Variants in SPATA17 observed in about 807,000 individuals in gnomAD.
SPATA17 encodes the protein spermatogenesis-associated protein 17.
SPATA17 carries 53 observed loss-of-function variants against 62.2 expected under a neutral mutation model. The ratio of observed to expected loss-of-function variants is 0.85; its 90% CI spans 0.68 to 1.07. SPATA17 has a LOEUF of 1.07. Among genes scored for constraint, SPATA17 ranks in the 50% least tolerant of loss-of-function variants. SPATA17 has a pLI of 0.00. For missense variants in SPATA17, 466 were observed against 425.5 expected, an observed-to-expected ratio of 1.10 and a Z score of -0.84; for synonymous variants, 146 against 146.8, an observed-to-expected ratio of 0.99 and a Z score of 0.04.
intron 8 of SPATA17, among the ~76,000 whole-genome samples, chr1:217,792,303 T>C (rs1344290705): frequency 6.6e-6 from 1 of 152,060 alleles, no homozygotes; most frequent in Non-Finnish European, 1.5e-5. Flanking sequence ...TCAAGGAAAC[T>C]CAAGAAACTA....
intron 6 of SPATA17, among the ~76,000 whole-genome samples, chr1:217,756,907 T>C (rs1673057622): frequency 6.6e-6 from 1 of 152,256 alleles, no homozygotes; most frequent in African/African-American, 2.4e-5. Context: ...TGTAATCATT[T>C]TATGAGACGA....
intron 6 of SPATA17, among the ~76,000 whole-genome samples, chr1:217,746,746 A>C (rs1490593886): frequency 6.6e-6 from 1 of 151,980 alleles, no homozygotes; most frequent in African/African-American, 2.4e-5. Flanking sequence ...ATTCAAGCAA[A>C]TATGTTAGTG....
chr1:217,828,482 G>A (rs1483227625), intron 9 of SPATA17, among the ~76,000 whole-genome samples: 1 of 85,894 alleles, frequency 1.2e-5, no homozygotes, highest in Non-Finnish European at 3.3e-5. Flanking sequence ...CCTAGAAGAG[G>A]ATATAGGTAG....
At chr1:217,751,113 T>C (rs910544310) in intron 6 of SPATA17, among the ~76,000 whole-genome samples, 2 of 152,206 alleles carry the variant, frequency 1.3e-5, no homozygotes, top group Admixed American at 1.3e-4. Context: ...AATGGGTTAG[T>C]ACTTGCAAGA....
intron 7 of SPATA17, 116 bp downstream of exon 7, chr1:217,774,653 A>G: frequency 1.2e-6 from 1 of 811,152 alleles, no homozygotes; most frequent in Non-Finnish European, 1.9e-6. Context: ...TAGTGGGATT[A>G]AGTACATTCA....
intron 6 of SPATA17, among the ~76,000 whole-genome samples, chr1:217,774,052 A>T (rs945549432): frequency 6.6e-6 from 1 of 152,142 alleles, no homozygotes; most frequent in African/African-American, 2.4e-5. Context: ...AAGTATAGTG[A>T]TGTAAAAAGG....
chr1:217,634,502 T>A (rs919963406), intron 1 of SPATA17, among the ~76,000 whole-genome samples: 3 of 152,168 alleles, frequency 2.0e-5, no homozygotes, highest in African/African-American at 7.2e-5. Flanking sequence ...ATCCATCAAG[T>A]GCAGCATCTG....
At chr1:217,655,002 A>ATG (rs1670409612) in intron 3 of SPATA17, among the ~76,000 whole-genome samples, 1 of 152,146 alleles carries the variant, frequency 6.6e-6, no homozygotes. Context: ...GAGCCACCGC[A>ATG]CCCAGCCCTA....
At chr1:217,730,414 A>G (rs776671245) in intron 5 of SPATA17, among the ~76,000 whole-genome samples, 29 of 151,952 alleles carry the variant, frequency 1.9e-4, no homozygotes, top group Non-Finnish European at 2.9e-4. Context: ...ACAGGGTTTC[A>G]CCATGTTGGC....
At chr1:217,658,053 A>G (rs1384537538) in intron 3 of SPATA17, among the ~76,000 whole-genome samples, 2 of 152,176 alleles carry the variant, frequency 1.3e-5, no homozygotes, top group East Asian at 1.9e-4. Flanking sequence ...CCATGATTCA[A>G]TTATCTCTGT....
At chr1:217,690,430 A>G (rs1476851080) in intron 5 of SPATA17, among the ~76,000 whole-genome samples, 12 of 148,928 alleles carry the variant, frequency 8.1e-5, no homozygotes, top group Admixed American at 8.0e-4. Context: ...AAAAAGTACT[A>G]TTTGGTCCTT....
At chr1:217,822,208 A>G (rs963965746) in intron 9 of SPATA17, among the ~76,000 whole-genome samples, 3 of 152,034 alleles carry the variant, frequency 2.0e-5, no homozygotes, top group African/African-American at 4.8e-5. Context: ...ATTTGTGTGA[A>G]TTTTTATTTC....
At chr1:217,786,765 CTTCTTCT>C (rs771595063) in intron 8 of SPATA17, among the ~76,000 whole-genome samples, 2,773 of 146,764 alleles carry the variant, frequency 0.019, 51 homozygotes, top group South Asian at 0.048. Flanking sequence ...TCTTCTTCTT[CTTCTTCT>C]TCTTCTTCTT....
At chr1:217,740,288 T>C (rs947348097) in intron 5 of SPATA17, among the ~76,000 whole-genome samples, 5 of 151,996 alleles carry the variant, frequency 3.3e-5, no homozygotes, top group Admixed American at 6.6e-5. Context: ...TAATATGAAA[T>C]TGGATACATG....
At chr1:217,675,083 G>T (rs1359596878) in intron 4 of SPATA17, among the ~76,000 whole-genome samples, 1 of 152,102 alleles carries the variant, frequency 6.6e-6, no homozygotes, top group African/African-American at 2.4e-5. Context: ...TGAAGGTGGG[G>T]TTTCACTGGA....
intron 2 of SPATA17, among the ~76,000 whole-genome samples, chr1:217,650,887 C>A (rs555630714): frequency 6.6e-6 from 1 of 152,156 alleles, no homozygotes; most frequent in East Asian, 1.9e-4. Context: ...ATAATAAGCC[C>A]CAAAGAAATA....
chr1:217,841,147 A>G (rs939528867), intron 9 of SPATA17, among the ~76,000 whole-genome samples: 10 of 152,120 alleles, frequency 6.6e-5, no homozygotes, highest in African/African-American at 2.4e-4. Flanking sequence ...TGAAGCATCT[A>G]TGAAACAATA....
chr1:217,678,148 T>C (rs968801525), intron 4 of SPATA17, among the ~76,000 whole-genome samples: 2 of 151,902 alleles, frequency 1.3e-5, no homozygotes, highest in African/African-American at 4.8e-5. Context: ...AGCATGAGTA[T>C]TGGGTGAGCT....
chr1:217,817,545 G>A (rs137885990), intron 9 of SPATA17, among the ~76,000 whole-genome samples: 4,768 of 152,062 alleles, frequency 0.031, 248 homozygotes, highest in African/African-American at 0.11. Flanking sequence ...GTCTCAGGCA[G>A]TTCTTTATAG....
Sources: gnomAD v4.1 joint callset for allele counts (sites outside exome capture counted in the v4.1 genomes callset) on GRCh38, gnomAD v4.1.1 for gene constraint, MANE v1.5 for transcripts, NCBI Gene and HGNC (gene_info 2026-07-23, HGNC 2026-07-21) for gene names.